The following TRAK1 variants were observed in gnomAD, a reference collection of about 807,000 sequenced individuals.
The protein encoded by TRAK1 is trafficking kinesin protein 1.
In TRAK1, 33 loss-of-function variants were observed where a neutral mutation model predicts 92.1. The observed-to-expected ratio is 0.36, with a 90% CI of 0.27 to 0.48. The LOEUF (loss-of-function observed/expected upper bound fraction) is 0.48, where lower values mean the gene tolerates loss of function less well. Ranked by LOEUF, TRAK1 falls within the 20% of genes least tolerant of loss-of-function variation. The probability of loss-of-function intolerance (pLI) is 0.99; values close to 1 mark genes in which losing one functional copy is unlikely to be tolerated. For missense variants in TRAK1, 1,123 were observed against 1,257.9 expected, an observed-to-expected ratio of 0.89 and a Z score of 1.62; for synonymous variants, 521 against 517.3, an observed-to-expected ratio of 1.01 and a Z score of -0.10.
intron 1 of TRAK1, among the ~76,000 whole-genome samples, chr3:42,091,992 A>G (rs958309351): frequency 6.6e-5 from 10 of 152,136 alleles, no homozygotes; most frequent in Non-Finnish European, 1.3e-4. Flanking sequence ...CTGATTTCTT[A>G]GATGCTAACC....
rs774979206 is a variant in TRAK1, at chr3:42,223,164, C to T, written c.2289C>T (p.Gly763=). 1.2e-6 allele frequency: 2 copies of T among 1,613,994 alleles called. No homozygotes were observed. Among genetic ancestry groups the T allele is most frequent in the South Asian group, 2.2e-5 (2 of 91,064 alleles). ...ACCCCCAGAGCTGGGACAGGGCCGGCCGGGGCTCCCTCCTGCACTCCTACA... is the reference window on the plus strand; with the variant it reads ...ACCCCCAGAGCTGGGACAGGGCCGGTCGGGGCTCCCTCCTGCACTCCTACA... ...VYDPQSWDRA[G]RGSLLHSYTP... Residue 763 remains glycine (G), a synonymous_variant, in exon 16 of 16, where the codon GGC becomes GGT. Transcript: ENST00000327628. This position sits in a 1 kb window ranked among gnomAD's most constrained non-coding sequence, Gnocchi z 6.1.
At chr3:42,057,764 A>G (rs1703257768) in intron 1 of TRAK1, among the ~76,000 whole-genome samples, 1 of 152,116 alleles carries the variant, frequency 6.6e-6, no homozygotes. Flanking sequence ...TCTCATTTGC[A>G]TCTTGGGCAG....
intron 15 of TRAK1, among the ~76,000 whole-genome samples, 200 bp downstream of exon 15, chr3:42,219,796 T>TG (rs1710149697): frequency 7.1e-6 from 1 of 141,362 alleles, no homozygotes; most frequent in Admixed American, 7.1e-5. Flanking sequence ...GTTTTTTTTT[T>TG]TTTTTTTTTT....
chr3:42,050,651 CTTATTT>C (rs1273287038), intron 1 of TRAK1, among the ~76,000 whole-genome samples: 1 of 151,946 alleles, frequency 6.6e-6, no homozygotes, highest in African/African-American at 2.4e-5. Flanking sequence ...TTTATTATAT[CTTATTT>C]TTAATTTTTA....
intron 1 of TRAK1, among the ~76,000 whole-genome samples, chr3:42,064,545 G>A (rs952831410): frequency 9.2e-5 from 14 of 152,068 alleles, no homozygotes; most frequent in African/African-American, 3.4e-4. Context: ...TAGACTAATA[G>A]CATAGAATGA....
rs1047377862 is a variant in TRAK1 at position 42,013,822 on chromosome 3, A to G, written c.-814A>G. The G allele has an allele frequency of 3.3e-5, 5 of 149,774 alleles. No homozygotes were observed. Among genetic ancestry groups the G allele is most frequent in the African/African-American group, 1.2e-4 (5 of 40,894 alleles). 9.3% of individuals were successfully genotyped at this position (149,774 alleles called of 1,614,324 possible). On this transcript the variant is annotated 5_prime_UTR_variant, in exon 1 of 17. Transcript: ENST00000487159. The surrounding 1 kb of genome is among the most constrained non-coding windows in gnomAD (Gnocchi z 5.1). The stretch of plus-strand genomic sequence containing the variant: ...CCCCCAGAGTGGGGCCGCGCGCGGG[A>G]GAGCCGGAGCGCAGCCTTAGCGTCC...
At position 42,147,806 on chromosome 3, in the gene TRAK1, A is replaced by G. The variant is rs538820370; in HGVS notation, c.286+22192A>G. Among the ~76,000 whole-genome samples, 45 of 152,360 alleles carry G rather than the reference A, an allele frequency of 3.0e-4. No homozygotes were observed. The South Asian group carries it at 9.3e-3, about 32-fold the overall frequency. On this transcript the variant is annotated intron_variant, in intron 2 of 15. Coordinates refer to ENST00000327628, the MANE Select transcript of TRAK1 (RefSeq NM_001042646.3). Reference sequence around the variant, plus strand: ...GATAAGGGCCAGACATGGCTGTAACATGAGGAGAGGGTACCCCAGAGCAGA... The same window carrying G: ...GATAAGGGCCAGACATGGCTGTAACGTGAGGAGAGGGTACCCCAGAGCAGA...
chr3:42,059,360 G>GA (rs969617387), intron 1 of TRAK1, among the ~76,000 whole-genome samples: 1 of 152,164 alleles, frequency 6.6e-6, no homozygotes, highest in African/African-American at 2.4e-5. Flanking sequence ...CAGATTTTGA[G>GA]ATTCCCATCC....
At chr3:42,051,934 T>C (rs1703000268) in intron 1 of TRAK1, among the ~76,000 whole-genome samples, 1 of 152,204 alleles carries the variant, frequency 6.6e-6, no homozygotes, top group South Asian at 2.1e-4. Context: ...TATTCCTCTT[T>C]GAGCCCTATC....
intron 14 of TRAK1, chr3:42,212,762 A>C (rs1400677923): frequency 1.2e-4 from 25 of 203,752 alleles, no homozygotes. Context: ...AAGAGCCTGC[A>C]TGTGGCAAAG....
intron 1 of TRAK1, among the ~76,000 whole-genome samples, chr3:42,069,325 A>AAAAAG (rs1703814524): frequency 6.6e-6 from 1 of 151,678 alleles, no homozygotes; most frequent in African/African-American, 2.4e-5. Context: ...TGTCTCAAAA[A>AAAAAG]AAAAAAGAAA....
chr3:42,210,508 G>T (rs1342083169), intron 14 of TRAK1: 1 of 1,188,614 alleles, frequency 8.4e-7, no homozygotes, highest in Non-Finnish European at 1.0e-6. Flanking sequence ...AGATTCTCAA[G>T]TCCCCTGGTG....
chr3:42,171,103 C>G (rs931218035), intron 2 of TRAK1, among the ~76,000 whole-genome samples: 12 of 152,194 alleles, frequency 7.9e-5, no homozygotes, highest in Admixed American at 7.2e-4. Flanking sequence ...GCGTGAGCCA[C>G]CGCGCGTGGC....
At chr3:42,151,513 C>G (rs1699948698) in intron 2 of TRAK1, 1 of 332,078 alleles carries the variant, frequency 3.0e-6, no homozygotes. Context: ...CCTTTATCAT[C>G]TATCCCATTT....
chr3:42,020,060 T>A (rs1379522684), intron 1 of TRAK1, among the ~76,000 whole-genome samples: 6 of 152,200 alleles, frequency 3.9e-5, no homozygotes, highest in Non-Finnish European at 8.8e-5. Flanking sequence ...TCCAGATTCA[T>A]GGTGGAACCA....
At chr3:42,110,984 A>G (rs1207103738) in intron 1 of TRAK1, among the ~76,000 whole-genome samples, 1 of 152,158 alleles carries the variant, frequency 6.6e-6, no homozygotes, top group East Asian at 1.9e-4. Context: ...GCTGGTAATC[A>G]ATCACTAAAT....
At chr3:42,154,525 C>T (rs144181268) in intron 2 of TRAK1, among the ~76,000 whole-genome samples, 7 of 152,118 alleles carry the variant, frequency 4.6e-5, no homozygotes, top group African/African-American at 1.4e-4. Flanking sequence ...GTCACCCAGG[C>T]GGGAGTGCAG....
intron 10 of TRAK1, among the ~76,000 whole-genome samples, chr3:42,198,899 A>C (rs780950780): frequency 1.3e-5 from 2 of 152,112 alleles, no homozygotes; most frequent in African/African-American, 2.4e-5. Flanking sequence ...GGTTTGGCCA[A>C]CGGAGCATAG....
intron 1 of TRAK1, among the ~76,000 whole-genome samples, chr3:42,106,115 C>G (rs1156291851): frequency 3.3e-5 from 5 of 152,142 alleles, no homozygotes; most frequent in East Asian, 1.9e-4. Context: ...CATCAACTAA[C>G]GAGCAAAATA....
Sources: gnomAD v4.1 joint callset for allele counts (sites outside exome capture counted in the v4.1 genomes callset) on GRCh38, gnomAD v4.1.1 for gene constraint, Gnocchi (gnomAD v3.1) non-coding constraint, MANE v1.5 for transcripts, NCBI Gene and HGNC (gene_info 2026-07-23, HGNC 2026-07-21) for gene names.